LRBA: variants seen among roughly 807,000 people sequenced by gnomAD.
LRBA encodes LPS responsive beige-like anchor protein.
A neutral mutation model predicts 330.0 loss-of-function variants in LRBA; 176 were observed. The observed-to-expected ratio is 0.53, with a 90% CI of 0.47 to 0.60. The LOEUF (loss-of-function observed/expected upper bound fraction) is 0.60, where lower values mean the gene tolerates loss of function less well. Among genes scored for constraint, LRBA ranks in the 20% least tolerant of loss-of-function variants. The probability of loss-of-function intolerance (pLI) is 0.00; values close to 1 mark genes in which losing one functional copy is unlikely to be tolerated. For synonymous variants in LRBA, 1,230 were observed against 1,193.0 expected, an observed-to-expected ratio of 1.03 and a Z score of -0.64; for missense variants, 3,259 against 3,444.8, an observed-to-expected ratio of 0.95 and a Z score of 1.35.
intron 44 of LRBA, among the ~76,000 whole-genome samples, chr4:150,447,015 C>T (rs1190560599): frequency 6.6e-6 from 1 of 152,044 alleles, no homozygotes; most frequent in Non-Finnish European, 1.5e-5. Flanking sequence ...TAGAAATAAG[C>T]CAGTAAAGCT....
At chr4:150,753,921 T>C (rs10012460) in intron 35 of LRBA, among the ~76,000 whole-genome samples, 132,829 of 151,892 alleles carry the variant, frequency 0.87, 58,476 homozygotes, top group Non-Finnish European at 0.94. Context: ...CAAAAATTAG[T>C]TGTGGTGTGG....
intron 35 of LRBA, among the ~76,000 whole-genome samples, chr4:150,736,150 T>C (rs1243040037): frequency 6.6e-6 from 1 of 152,090 alleles, no homozygotes; most frequent in Non-Finnish European, 1.5e-5. Context: ...CAGCCTTGAG[T>C]CAGCTCAGAC....
intron 40 of LRBA, among the ~76,000 whole-genome samples, chr4:150,532,964 T>A (rs1263324877): frequency 6.6e-6 from 1 of 152,136 alleles, no homozygotes; most frequent in Non-Finnish European, 1.5e-5. Context: ...AAGTGTCTTC[T>A]ATCTATTTAT....
chr4:150,364,778 G>A (rs1739205457), intron 47 of LRBA, among the ~76,000 whole-genome samples: 1 of 151,922 alleles, frequency 6.6e-6, no homozygotes, highest in South Asian at 2.1e-4. Flanking sequence ...TGGAATGTAA[G>A]CTCCTAGAAG....
intron 28 of LRBA, among the ~76,000 whole-genome samples, chr4:150,838,715 T>G (rs548964983): frequency 6.6e-6 from 1 of 152,294 alleles, no homozygotes; most frequent in South Asian, 2.1e-4. Context: ...AAGGTTTTCA[T>G]AGCTTCTTTT....
intron 40 of LRBA, among the ~76,000 whole-genome samples, chr4:150,562,314 A>C (rs978124676): frequency 2.0e-5 from 3 of 152,138 alleles, no homozygotes; most frequent in African/African-American, 7.2e-5. Flanking sequence ...TAAGCATTAA[A>C]TTTTTCTTTA....
At chr4:150,981,947 A>G (rs998166739) in intron 2 of LRBA, among the ~76,000 whole-genome samples, 2 of 148,764 alleles carry the variant, frequency 1.3e-5, no homozygotes, top group Non-Finnish European at 3.0e-5. Context: ...AGGGAGACAG[A>G]GCAAGACTCC....
intron 47 of LRBA, among the ~76,000 whole-genome samples, chr4:150,402,237 C>A (rs1745582736): frequency 1.4e-5 from 2 of 148,054 alleles, no homozygotes. Flanking sequence ...TAGACGAGAT[C>A]AGGCACTTTC....
chr4:150,788,401 A>G (rs1429670746), intron 34 of LRBA, among the ~76,000 whole-genome samples: 1 of 152,010 alleles, frequency 6.6e-6, no homozygotes, highest in Non-Finnish European at 1.5e-5. Flanking sequence ...CCTGGCGCTA[A>G]TAAGATCTTA....
intron 37 of LRBA, among the ~76,000 whole-genome samples, chr4:150,630,387 A>G (rs1777259906): frequency 6.6e-6 from 1 of 151,526 alleles, no homozygotes; most frequent in Non-Finnish European, 1.5e-5. Context: ...GATACATAAC[A>G]TAATTCATCT....
intron 2 of LRBA, among the ~76,000 whole-genome samples, chr4:150,985,589 C>T (rs1346887427): frequency 6.6e-6 from 1 of 151,678 alleles, no homozygotes; most frequent in East Asian, 1.9e-4. Context: ...AGTTCCGCCT[C>T]CCGGGTTCAC....
intron 47 of LRBA, among the ~76,000 whole-genome samples, chr4:150,405,851 T>A (rs1379456408): frequency 6.6e-6 from 1 of 151,904 alleles, no homozygotes; most frequent in Admixed American, 6.6e-5. Context: ...GGTCAGGAGT[T>A]CAAGACCAGC....
chr4:151,004,440 G>A (rs1743774822), intron 2 of LRBA, among the ~76,000 whole-genome samples: 1 of 152,196 alleles, frequency 6.6e-6, no homozygotes. Flanking sequence ...TGGACAAAGG[G>A]ATGATTCACA....
At chr4:150,371,410 CT>C (rs1047007948) in intron 47 of LRBA, among the ~76,000 whole-genome samples, 6 of 151,938 alleles carry the variant, frequency 3.9e-5, no homozygotes, top group Non-Finnish European at 8.8e-5. Flanking sequence ...CCAGGCTGGT[CT>C]CAAACTCCTG....
At chr4:150,447,316 G>T (rs746296598) in intron 44 of LRBA, among the ~76,000 whole-genome samples, 2 of 152,098 alleles carry the variant, frequency 1.3e-5, no homozygotes, top group Non-Finnish European at 2.9e-5. Flanking sequence ...CTTTAAACTG[G>T]TGGACACAGT....
chr4:150,874,087 A>T (rs1346553783), intron 17 of LRBA, among the ~76,000 whole-genome samples: 1 of 152,238 alleles, frequency 6.6e-6, no homozygotes, highest in Non-Finnish European at 1.5e-5. Flanking sequence ...ATACCAGTTT[A>T]AAATCACAAT....
At chr4:150,506,433 C>T (rs1350157268) in intron 40 of LRBA, among the ~76,000 whole-genome samples, 3 of 152,290 alleles carry the variant, frequency 2.0e-5, no homozygotes, top group Admixed American at 6.5e-5. Context: ...ATATGCAAAT[C>T]AATAAATGTA....
intron 40 of LRBA, among the ~76,000 whole-genome samples, chr4:150,511,815 C>G (rs146956617): frequency 1.3e-5 from 2 of 152,286 alleles, no homozygotes; most frequent in Non-Finnish European, 2.9e-5. Context: ...AGTAGTGTAG[C>G]CAAGTCTATC....
intron 34 of LRBA, among the ~76,000 whole-genome samples, chr4:150,787,580 T>C (rs1297209358): frequency 6.6e-6 from 1 of 152,204 alleles, no homozygotes; most frequent in Non-Finnish European, 1.5e-5. Context: ...ATGAGATGTT[T>C]TGATACAGGC....
Sources: allele counts gnomAD v4.1 joint callset (sites outside exome capture counted in the v4.1 genomes callset), GRCh38; gene constraint gnomAD v4.1.1; transcripts MANE v1.5; gene names NCBI Gene and HGNC (gene_info 2026-07-23, HGNC 2026-07-21).